ATAD2B: variants seen among roughly 807,000 people sequenced by gnomAD.
ATAD2B encodes the protein ATPase family AAA domain containing 2B.
ATAD2B carries 40 observed loss-of-function variants against 167.6 expected under a neutral mutation model. That is an observed-to-expected ratio of 0.24 (90% confidence interval 0.19 to 0.31). The LOEUF (loss-of-function observed/expected upper bound fraction) is 0.31, where lower values mean the gene tolerates loss of function less well. ATAD2B is among the 10% of genes least tolerant of loss of function. The probability of loss-of-function intolerance (pLI) is 1.00; values close to 1 mark genes in which losing one functional copy is unlikely to be tolerated. For synonymous variants in ATAD2B, 579 were observed against 596.5 expected (o/e 0.97, Z 0.43); for missense variants, 1,242 against 1,757.2 (o/e 0.71, Z 5.24).
chr2:23,815,960 C>G (rs1048380277), intron 17 of ATAD2B, among the ~76,000 whole-genome samples: 5 of 152,106 alleles, frequency 3.3e-5, no homozygotes, highest in African/African-American at 1.2e-4. Context: ...AAATGAGGGC[C>G]AGGATCTTAC....
the ATAD2B span, among the ~76,000 whole-genome samples, chr2:23,724,975 G>A: frequency 0.01 from 1,519 of 148,942 alleles, 12 homozygotes; most frequent in Non-Finnish European, 0.015. Context: ...CCTAGGAGGC[G>A]GAGCTTGCAG....
At chr2:23,809,193 G>C (rs963905390) in intron 18 of ATAD2B, 5 of 152,036 alleles carry the variant, frequency 3.3e-5, no homozygotes, top group African/African-American at 1.2e-4. Flanking sequence ...AGAAAAATAT[G>C]AGCAAACATA....
intron 13 of ATAD2B, among the ~76,000 whole-genome samples, chr2:23,856,667 C>A (rs1044342536): frequency 6.6e-6 from 1 of 152,022 alleles, no homozygotes; most frequent in Admixed American, 6.6e-5. Context: ...TCAAGACCAG[C>A]CTGGCCAATA....
chr2:23,788,490 C>T, intron 20 of ATAD2B, 22 bp downstream of exon 20: 2 of 1,609,152 alleles, frequency 1.2e-6, no homozygotes, highest in Non-Finnish European at 1.7e-6. Context: ...TCCCATTTTC[C>T]TAAAGGCTTT....
chr2:23,745,241 C>T (rs894838942), downstream of ATAD2B, among the ~76,000 whole-genome samples: 2 of 151,920 alleles, frequency 1.3e-5, no homozygotes, highest in African/African-American at 4.8e-5. Context: ...GAGCCAAGAT[C>T]GTGTTACTGC....
At position 23,895,840 on chromosome 2, in the gene ATAD2B, T is replaced by C; in HGVS notation, c.347A>G (p.Asn116Ser). Residue 116 changes from asparagine to serine, a missense_variant, in exon 2 of 28, where the codon AAC (asparagine) becomes AGC (serine). Physicochemically the swap from Asn to Ser is conservative, Grantham distance 46 (BLOSUM62 1). Coordinates refer to ENST00000238789, the MANE Select transcript of ATAD2B (RefSeq NM_017552.4). ...TCACCTGGCCTGTCCAGTTGATAAG[T>C]TCCATTCCTCTCGCTGACCAGTACT... is the stretch of plus-strand genomic sequence containing the variant. Reference protein sequence around the residue: ...SRSTGQREEWNLSTGQARLTS... With the variant: ...SRSTGQREEWSLSTGQARLTS... 1.2e-6 allele frequency: 2 copies of C among 1,612,052 alleles called. No homozygotes were observed. The highest frequency in any genetic ancestry group is 1.7e-6 in the Non-Finnish European group (2 of 1,178,784).
chr2:23,778,367 G>A (rs1679487553), intron 22 of ATAD2B, among the ~76,000 whole-genome samples: 1 of 152,098 alleles, frequency 6.6e-6, no homozygotes, highest in Non-Finnish European at 1.5e-5. Flanking sequence ...GAAAAATATG[G>A]ATTGATCTTC....
At position 23,869,767 on chromosome 2, in the gene ATAD2B, TA is replaced by T; in HGVS notation, c.978-7del. On this transcript the variant is annotated splice_polypyrimidine_tract_variant and splice_region_variant and intron_variant, in intron 8 of 27. Coordinates refer to ENST00000238789, the MANE Select transcript of ATAD2B (RefSeq NM_017552.4). ...GAATGGCATGCTTCTTTCTCCTATT[TA>T]AAGAGAGTAAAATCCTTAAAACCAT... 6.5e-7 allele frequency: 1 copy of T among 1,538,402 alleles called. No homozygotes were observed. Among genetic ancestry groups the T allele is most frequent in the Non-Finnish European group, 8.8e-7 (1 of 1,134,430 alleles).
chr2:23,887,330 G>GACT (rs1208486574), intron 4 of ATAD2B, among the ~76,000 whole-genome samples: 1 of 152,150 alleles, frequency 6.6e-6, no homozygotes, highest in East Asian at 1.9e-4. Flanking sequence ...GAGCAGCTAT[G>GACT]ACTACAGTCT....
chr2:23,842,556 AG>A (rs1691089008), intron 13 of ATAD2B, among the ~76,000 whole-genome samples: 1 of 152,160 alleles, frequency 6.6e-6, no homozygotes, highest in Non-Finnish European at 1.5e-5. Context: ...TCTAGCTTTT[AG>A]TCTGGGACTA....
the ATAD2B span, chr2:23,706,376 G>A: frequency 2.5e-5 from 22 of 892,042 alleles, no homozygotes; most frequent in Middle Eastern, 8.8e-4. Flanking sequence ...GATGCCTTCT[G>A]CAAAAGGCAC....
intron 8 of ATAD2B, chr2:23,872,352 T>C: frequency 3.2e-6 from 2 of 618,518 alleles, no homozygotes; most frequent in South Asian, 2.8e-5. Context: ...TCTTGTCAAA[T>C]TCATAGACAA....
intron 15 of ATAD2B, among the ~76,000 whole-genome samples, chr2:23,824,209 G>A (rs899302241): frequency 9.2e-5 from 14 of 152,060 alleles, no homozygotes; most frequent in Non-Finnish European, 1.3e-4. Context: ...TGATCCACCC[G>A]CCTCAGCACC....
chr2:23,835,614 C>T (rs1440603774), intron 13 of ATAD2B, among the ~76,000 whole-genome samples: 2 of 152,188 alleles, frequency 1.3e-5, no homozygotes, highest in Non-Finnish European at 2.9e-5. Flanking sequence ...TGTAAATATA[C>T]TGAAAGTCAC....
the ATAD2B span, among the ~76,000 whole-genome samples, chr2:23,720,314 C>T: frequency 9.2e-5 from 14 of 152,234 alleles, no homozygotes; most frequent in East Asian, 2.5e-3. Context: ...TAGCCCACAC[C>T]TGTAATCCCA....
the ATAD2B span, among the ~76,000 whole-genome samples, chr2:23,720,914 C>G: frequency 1.3e-5 from 2 of 150,996 alleles, no homozygotes; most frequent in African/African-American, 4.9e-5. Flanking sequence ...ACCAGAGCCA[C>G]CTCTGAAGTG....
At chr2:23,691,699 G>A in the ATAD2B span, 75 of 1,551,786 alleles carry the variant, frequency 4.8e-5, no homozygotes, top group South Asian at 8.3e-5. Context: ...CGGCCAGGGC[G>A]GCCGGGAGAA....
the ATAD2B span, among the ~76,000 whole-genome samples, chr2:23,682,724 C>T: frequency 3.3e-5 from 5 of 152,090 alleles, no homozygotes; most frequent in Non-Finnish European, 7.4e-5. The surrounding 1 kb of genome is among the most constrained non-coding windows in gnomAD (Gnocchi z 4.1). Context: ...GTGCTCTGAG[C>T]CTGTTGGTCT....
intron 8 of ATAD2B, among the ~76,000 whole-genome samples, chr2:23,870,070 C>T (rs1011452764): frequency 1.3e-5 from 2 of 151,300 alleles, no homozygotes; most frequent in African/African-American, 4.8e-5. Context: ...TAGCCAGGCA[C>T]GGGGTGGGCA....
Sources: gnomAD v4.1 joint callset for allele counts (sites outside exome capture counted in the v4.1 genomes callset) on GRCh38, gnomAD v4.1.1 for gene constraint, Gnocchi (gnomAD v3.1) non-coding constraint, MANE v1.5 for transcripts, NCBI Gene and HGNC (gene_info 2026-07-23, HGNC 2026-07-21) for gene names.